The following DAPK3 variants were observed in gnomAD, a reference collection of about 807,000 sequenced individuals.
DAPK3 encodes death-associated protein kinase 3.
Under a neutral mutation model 30.6 loss-of-function variants are expected in DAPK3, and 24 were observed. That is an observed-to-expected ratio of 0.78 (90% CI 0.57 to 1.10). The LOEUF is 1.10. Among genes scored for constraint, DAPK3 ranks in the 50% least tolerant of loss-of-function variants. The pLI, the probability that DAPK3 is intolerant of heterozygous loss-of-function variation, is 0.00. For missense variants in DAPK3, 629 were observed against 657.3 expected (o/e 0.96, Z 0.47); for synonymous variants, 341 against 284.0 (o/e 1.20, Z -2.02).
At position 3,964,839 on chromosome 19, in the gene DAPK3, C is replaced by T. The variant is rs947755077; in HGVS notation, c.215G>A (p.Arg72Gln). The T allele has an allele frequency of 1.9e-5, 30 of 1,612,930 alleles. No individual in the cohort carries two copies. The highest frequency in any genetic ancestry group is 2.2e-5 in the East Asian group (1 of 44,822). Residue 72 changes from arginine to glutamine, a missense_variant, in exon 3 of 9, where the codon CGG (arginine) becomes CAG (glutamine). By Grantham distance (43) the Arg-to-Gln change is conservative. This residue lies in a region of DAPK3 where 306 missense variants were observed against 378.5 expected (regional missense o/e 0.81). Coordinates refer to ENST00000545797, the MANE Select transcript of DAPK3 (RefSeq NM_001348.3). ...GTGCAGGGTGATGATGTTGGGGTGC[C>T]GGATCTCCCGCAGGATGTTCACCTC... Reference protein sequence around the residue: ...EREVNILREIRHPNIITLHDI... With the variant: ...EREVNILREIQHPNIITLHDI...
chr19:3,964,998 G>A lies in DAPK3; in HGVS notation c.63-7C>T, dbSNP rs767775041. 5.8e-6 allele frequency: 9 copies of A among 1,562,100 alleles called. No homozygotes were observed. The highest frequency in any genetic ancestry group is 3.4e-5 in the Admixed American group (2 of 59,654). ...CACGATCGCAAACTGGCCGCTGGAG[G>A]AGGGGGAGGGAGTGAGTGGGGGTGG... On this transcript the variant is annotated splice_polypyrimidine_tract_variant and splice_region_variant and intron_variant, in intron 2 of 8. Transcript: ENST00000545797.
intron 2 of DAPK3, among the ~76,000 whole-genome samples, chr19:3,968,676 G>T (rs1478564058): frequency 6.6e-6 from 1 of 152,156 alleles, no homozygotes; most frequent in Non-Finnish European, 1.5e-5. Flanking sequence ...GCATGAGAAG[G>T]GGGAGGAGGG....
At chr19:3,965,642 G>A (rs750820399) in intron 2 of DAPK3, among the ~76,000 whole-genome samples, 1 of 129,020 alleles carries the variant, frequency 7.8e-6, no homozygotes, top group African/African-American at 3.1e-5. Context: ...TGCAAGGCAA[G>A]TGCCAGATCC....
chr19:3,966,425 C>G (rs1041100954), intron 2 of DAPK3, among the ~76,000 whole-genome samples: 4 of 152,170 alleles, frequency 2.6e-5, no homozygotes, highest in Non-Finnish European at 4.4e-5. Flanking sequence ...CCAAAGAGAC[C>G]GGTCCAGTCC....
chr19:3,959,766 GC>G, intron 8 of DAPK3, 129 bp from the exon 9 acceptor site: 1 of 1,106,836 alleles, frequency 9.0e-7, no homozygotes, highest in Non-Finnish European at 1.3e-6. Flanking sequence ...GACGGAGACT[GC>G]CCAGCCCGAC....
At position 3,963,890 on chromosome 19, in the gene DAPK3, C is replaced by A. The variant is rs769277616; in HGVS notation, c.583G>T (p.Gly195Cys). 6.2e-7 allele frequency: 1 copy of A among 1,605,112 alleles called. No individual in the cohort carries two copies. The highest frequency in any genetic ancestry group is 8.5e-7 in the Non-Finnish European group (1 of 1,173,162). The change falls in exon 5 of 9, where the codon GGC (glycine) becomes TGC (cysteine). Residue 195 changes from glycine to cysteine, a missense_variant. Physicochemically the swap from Gly to Cys is radical, Grantham distance 159. Around this residue, in one of 2 missense-constraint regions of DAPK3, gnomAD observed 306 missense variants for 378.5 expected, o/e 0.81. Transcript: ENST00000545797. ...APEIVNYEPL[G>C]LEADMWSIGV... Reference sequence around the variant, plus strand: ...ACTCACCACATGTCCGCCTCCAGGCCCAGCGGCTCATAGTTCACAATCTCT... The same window carrying A: ...ACTCACCACATGTCCGCCTCCAGGCACAGCGGCTCATAGTTCACAATCTCT...
Position 3,963,579 on chromosome 19 carries a change from C to T in DAPK3, c.629+64G>A, listed in dbSNP as rs2039541685. 3.7e-6 allele frequency: 4 copies of T among 1,085,218 alleles called. No homozygotes were observed. In the Admixed American group the frequency reaches 8.8e-5, roughly 24 times the overall value. The allele number at this position is 1,085,218 out of a possible 1,614,324, so 67.2% of individuals were successfully genotyped here. Reference sequence around the variant, plus strand: ...GGACCCCTGGCGTCCACATGAGACACACGGAGCCGGGGACCCATGCCAGCT... The same window carrying T: ...GGACCCCTGGCGTCCACATGAGACATACGGAGCCGGGGACCCATGCCAGCT... On this transcript the variant is annotated intron_variant, in intron 6 of 8. Coordinates refer to ENST00000545797, the MANE Select transcript of DAPK3 (RefSeq NM_001348.3).
At chr19:3,961,616 G>T in intron 6 of DAPK3, 1 of 440,732 alleles carries the variant, frequency 2.3e-6, no homozygotes. Context: ...GTTTTGAGCA[G>T]AGACACTGAA....
rs1301218419 is a variant in DAPK3 at position 3,959,623 on chromosome 19, C to T, written c.843G>A (p.Arg281=). Residue 281 remains arginine, a synonymous_variant, in exon 9 of 9, where the codon CGG becomes CGA. Coordinates refer to ENST00000545797, the MANE Select transcript of DAPK3 (RefSeq NM_001348.3). The part of the protein sequence containing the change: ...EHSWIKAIRR[R]NVRGEDSGRK... The stretch of plus-strand genomic sequence containing the variant: ...GGCCGCTGTCCTCACCACGCACGTT[C>T]CGCCGCCGGATCGCCTAGGAAGGAG... 1 of 1,580,508 alleles carries T rather than the reference C, an allele frequency of 6.3e-7. No individual in the cohort carries two copies. Among genetic ancestry groups the T allele is most frequent in the African/African-American group, 1.3e-5 (1 of 74,760 alleles).
At chr19:3,960,824 A>AC (rs398033743) in intron 7 of DAPK3, among the ~76,000 whole-genome samples, 185 bp downstream of exon 7, 3 of 148,094 alleles carry the variant, frequency 2.0e-5, no homozygotes, top group South Asian at 2.1e-4. Flanking sequence ...AAAAAAAAAA[A>AC]CCATGGCAAT....
chr19:3,960,954 T>A (rs1054500271), intron 7 of DAPK3, 55 bp downstream of exon 7: 27 of 1,588,144 alleles, frequency 1.7e-5, no homozygotes, highest in Non-Finnish European at 2.3e-5. Flanking sequence ...CCTCCGTGGG[T>A]GGAGTGGGCC....
chr19:3,960,774 A>G (rs2039500973), intron 7 of DAPK3, among the ~76,000 whole-genome samples: 1 of 121,348 alleles, frequency 8.2e-6, no homozygotes, highest in Admixed American at 1.1e-4. Flanking sequence ...ACAGAGCAAG[A>G]CTCCGTCTCA....
intron 2 of DAPK3, among the ~76,000 whole-genome samples, chr19:3,965,571 T>C (rs760425676): frequency 2.6e-5 from 4 of 152,146 alleles, no homozygotes; most frequent in Non-Finnish European, 4.4e-5. Flanking sequence ...TGAACTGAGA[T>C]TGTGCCACTG....
At chr19:3,966,569 G>A (rs1490359435) in intron 2 of DAPK3, among the ~76,000 whole-genome samples, 5 of 152,206 alleles carry the variant, frequency 3.3e-5, no homozygotes, top group Non-Finnish European at 7.3e-5. Flanking sequence ...CAGGCCAGGA[G>A]AGGGGAGCCA....
chr19:3,963,695 C>A, intron 5 of DAPK3, 26 bp from the exon 6 acceptor site: 1 of 1,528,070 alleles, frequency 6.5e-7, no homozygotes, highest in Non-Finnish European at 8.8e-7. Flanking sequence ...AGGCAAGGGT[C>A]AGCGCAGCGT....
chr19:3,968,490 G>C (rs1304313925), intron 2 of DAPK3, among the ~76,000 whole-genome samples: 1 of 152,024 alleles, frequency 6.6e-6, no homozygotes. Context: ...AAAAAAAAAG[G>C]CTGTTATTCT....
At chr19:3,962,588 C>T (rs777927830) in intron 6 of DAPK3, among the ~76,000 whole-genome samples, 6 of 152,040 alleles carry the variant, frequency 3.9e-5, no homozygotes, top group Middle Eastern at 3.4e-3. Flanking sequence ...CCAGCCTGAC[C>T]GAAATGGTGA....
At position 3,959,147 on chromosome 19, in the gene DAPK3, G is replaced by C. The variant is rs2039472954; in HGVS notation, c.1319C>G (p.Ala440Gly). The change falls in exon 9 of 9, where the codon GCC becomes GGC. Residue 440 changes from alanine to glycine, a missense_variant. Ala to Gly is a moderately conservative substitution (Grantham distance 60, BLOSUM62 0). This residue lies in a region of DAPK3 where 323 missense variants were observed against 278.8 expected (regional missense o/e 1.16). Transcript: ENST00000545797. ...EMRFVQDLVRALEQEKLQGVE... is the reference protein window; with the variant it reads ...EMRFVQDLVRGLEQEKLQGVE... ...GCCCTGCAGCTTCTCCTGCTCCAGGGCGCGCACGAGGTCCTGCACGAAGCG... is the reference window on the plus strand; with the variant it reads ...GCCCTGCAGCTTCTCCTGCTCCAGGCCGCGCACGAGGTCCTGCACGAAGCG... 7 of 1,584,170 alleles carry C rather than the reference G, an allele frequency of 4.4e-6. No individual in the cohort carries two copies. The highest frequency in any genetic ancestry group is 6.0e-6 in the Non-Finnish European group (7 of 1,169,822).
At chr19:3,966,887 T>C (rs1316900963) in intron 2 of DAPK3, among the ~76,000 whole-genome samples, 1 of 152,204 alleles carries the variant, frequency 6.6e-6, no homozygotes, top group Admixed American at 6.5e-5. Context: ...GCAAGGCCAC[T>C]GGCAGGCTCT....
Sources: gnomAD v4.1 joint callset for allele counts (sites outside exome capture counted in the v4.1 genomes callset) on GRCh38, gnomAD v4.1.1 for gene constraint, gnomAD v4.1.1 regional missense constraint, MANE v1.5 for transcripts, NCBI Gene and HGNC (gene_info 2026-07-23, HGNC 2026-07-21) for gene names.